Variants in SLC9A1 observed in about 807,000 individuals in gnomAD.
SLC9A1 encodes the protein sodium/hydrogen exchanger 1.
Under a neutral mutation model 67.9 loss-of-function variants are expected in SLC9A1, and 22 were observed. That is an observed-to-expected ratio of 0.32 (90% CI 0.23 to 0.46). The LOEUF (loss-of-function observed/expected upper bound fraction) is 0.46, where lower values mean the gene tolerates loss of function less well. Ranked by LOEUF, SLC9A1 falls within the 20% of genes least tolerant of loss-of-function variation. The probability of loss-of-function intolerance (pLI) is 1.00; values close to 1 mark genes in which losing one functional copy is unlikely to be tolerated. For missense variants in SLC9A1, 686 were observed against 1,094.8 expected (o/e 0.63, Z 5.27); for synonymous variants, 421 against 471.8 (o/e 0.89, Z 1.40).
intron 2 of SLC9A1, among the ~76,000 whole-genome samples, chr1:27,110,395 C>T (rs528589206): frequency 6.6e-6 from 1 of 152,274 alleles, no homozygotes; most frequent in South Asian, 2.1e-4. Context: ...TGGACTTGGA[C>T]TCTCTGGGAT....
chr1:27,111,326 T>C (rs1412818625), intron 2 of SLC9A1, among the ~76,000 whole-genome samples: 1 of 152,176 alleles, frequency 6.6e-6, no homozygotes, highest in Non-Finnish European at 1.5e-5. Flanking sequence ...CCTGGAACTA[T>C]AGAGAAACAG....
At chr1:27,142,624 C>A (rs1218786664) in intron 1 of SLC9A1, among the ~76,000 whole-genome samples, 1 of 152,146 alleles carries the variant, frequency 6.6e-6, no homozygotes, top group Non-Finnish European at 1.5e-5. Context: ...GCCCTAGCCG[C>A]TTTAGGGAAA....
rs1034545521 is a variant in SLC9A1, at chr1:27,101,821, C to T, written c.1941G>A (p.Arg647=). Residue 647 remains arginine, a synonymous_variant, in exon 10 of 12, where the codon CGG becomes CGA. Coordinates refer to ENST00000263980, the MANE Select transcript of SLC9A1 (RefSeq NM_003047.5). This position sits in a 1 kb window ranked among gnomAD's most constrained non-coding sequence, Gnocchi z 4.9. ...CCACCAGCGTGTGTCTGTTGTAGGA[C>T]CGCAGCTGTGGGAGGGACAGCGTCA... is the stretch of plus-strand genomic sequence containing the variant. ...NNLQKTRQRL[R]SYNRHTLVAD... is the part of the protein sequence containing the mutation. 1.9e-6 allele frequency: 3 copies of T among 1,611,226 alleles called. No homozygotes were observed. Among genetic ancestry groups the T allele is most frequent in the Middle Eastern group, 2.1e-4 (1 of 4,878 alleles).
intron 1 of SLC9A1, among the ~76,000 whole-genome samples, chr1:27,153,029 C>T (rs1267809507): frequency 6.6e-6 from 1 of 152,164 alleles, no homozygotes; most frequent in African/African-American, 2.4e-5. Context: ...CCAGTAAGCT[C>T]CCCCAATCAC....
At chr1:27,144,066 T>A (rs1297086348) in intron 1 of SLC9A1, among the ~76,000 whole-genome samples, 2 of 152,212 alleles carry the variant, frequency 1.3e-5, no homozygotes, top group African/African-American at 4.8e-5. Context: ...ATTATAAAAA[T>A]AAATCTGCCA....
At position 27,101,725 on chromosome 1, in the gene SLC9A1, C is replaced by T. The variant is rs1255958720; in HGVS notation, c.2037G>A (p.Lys679=). ...RRQKARQLEQ[K]INNYLTVPAH... ...ATTCCCAGAGGAAGGCAGAGGCTAC[C>T]TTCTGCTCCAGCTGCCGGGCCTTCT... The change falls in exon 10 of 12, where the codon AAG becomes AAA. Residue 679 remains lysine (K), a splice_region_variant and synonymous_variant. Transcript: ENST00000263980. The surrounding 1 kb of genome is among the most constrained non-coding windows in gnomAD (Gnocchi z 4.9). 3.7e-6 allele frequency: 6 copies of T among 1,607,964 alleles called. No individual in the cohort carries two copies. Among genetic ancestry groups the T allele is most frequent in the Non-Finnish European group, 5.1e-6 (6 of 1,176,006 alleles).
At chr1:27,135,725 G>A (rs1379501730) in intron 1 of SLC9A1, among the ~76,000 whole-genome samples, 2 of 152,176 alleles carry the variant, frequency 1.3e-5, no homozygotes, top group East Asian at 3.8e-4. Context: ...CCATCAACAG[G>A]AGAGTGAGCC....
At chr1:27,102,873 A>G in intron 6 of SLC9A1, 130 bp from the exon 7 acceptor site, 2 of 804,926 alleles carry the variant, frequency 2.5e-6, no homozygotes, top group South Asian at 3.1e-5. Flanking sequence ...ATGAGCAGCC[A>G]GGAGGTGGCG....
At chr1:27,105,655 T>C (rs1289180951) in intron 5 of SLC9A1, 1 of 700,372 alleles carries the variant, frequency 1.4e-6, no homozygotes, top group Non-Finnish European at 2.7e-6. Context: ...AGCATTCTGG[T>C]TCCTTTACAT....
In SLC9A1 at chr1:27,154,071, G is replaced by A. The variant is rs757856667; in HGVS notation, c.264C>T (p.Ala88=). ...VTDHGMKPRK[A]FPVLGIDYTH... ...TGTAGTCGATGCCCAGGACTGGAAAGGCCTTGCGCGGCTTCATGCCATGAT... is the reference window on the plus strand; with the variant it reads ...TGTAGTCGATGCCCAGGACTGGAAAAGCCTTGCGCGGCTTCATGCCATGAT... The change falls in exon 1 of 12, where the codon GCC becomes GCT. Residue 88 remains alanine, a synonymous_variant. Coordinates refer to ENST00000263980, the MANE Select transcript of SLC9A1 (RefSeq NM_003047.5). 1 of 1,613,528 alleles carries A rather than the reference G, an allele frequency of 6.2e-7. No homozygotes were observed.
At chr1:27,133,447 A>G (rs2083399239) in intron 1 of SLC9A1, among the ~76,000 whole-genome samples, 1 of 152,148 alleles carries the variant, frequency 6.6e-6, no homozygotes, top group Non-Finnish European at 1.5e-5. Flanking sequence ...CCTGAAGCTG[A>G]GGAGACCCAA....
chr1:27,152,111 G>A (rs2083532463), intron 1 of SLC9A1, among the ~76,000 whole-genome samples: 1 of 152,196 alleles, frequency 6.6e-6, no homozygotes, highest in Non-Finnish European at 1.5e-5. Flanking sequence ...CTTCTAGACT[G>A]ATATTGTTGC....
intron 1 of SLC9A1, among the ~76,000 whole-genome samples, chr1:27,128,397 C>T (rs552324656): frequency 6.6e-6 from 1 of 152,182 alleles, no homozygotes; most frequent in African/African-American, 2.4e-5. Flanking sequence ...TGGCTCACAC[C>T]TGAATCCCAG....
rs553359153 is a variant in SLC9A1, at chr1:27,112,478, A to G, written c.813+1348T>C. Among the ~76,000 whole-genome samples, 184 of 152,354 alleles carry G rather than the reference A, an allele frequency of 1.2e-3. 1 individual carries two copies. The highest frequency in any genetic ancestry group is 4.0e-3 in the African/African-American group (168 of 41,588). The stretch of plus-strand genomic sequence containing the variant: ...ACAACGTGAGCATGCACATGCACAC[A>G]TCTGTTTCCCAAGGAAACCAGCTGG... On this transcript the variant is annotated intron_variant, in intron 2 of 11. Coordinates refer to ENST00000263980, the MANE Select transcript of SLC9A1 (RefSeq NM_003047.5).
Position 27,101,981 on chromosome 1 carries a change from T to C in SLC9A1, c.1935+35A>G, listed in dbSNP as rs1164853799. ...GTAGAGAGGGGCTGAAGGGCTCCTG[T>C]ACCCTGGGGGTCGGGCTGGGGAGCA... On this transcript the variant is annotated intron_variant, in intron 9 of 11. Coordinates refer to ENST00000263980, the MANE Select transcript of SLC9A1 (RefSeq NM_003047.5). The surrounding 1 kb of genome is among the most constrained non-coding windows in gnomAD (Gnocchi z 4.9). 6 of 1,542,528 alleles carry C rather than the reference T, an allele frequency of 3.9e-6. No individual in the cohort carries two copies. In the Admixed American group the frequency reaches 5.0e-5, roughly 13 times the overall value.
At chr1:27,135,524 GGAAAAAA>G (rs2083414967) in intron 1 of SLC9A1, among the ~76,000 whole-genome samples, 1 of 70,364 alleles carries the variant, frequency 1.4e-5, no homozygotes, top group African/African-American at 7.3e-5. Flanking sequence ...CCTTTTTTCT[GGAAAAAA>G]AAAAAAAAAA....
At chr1:27,142,291 G>C (rs949318815) in intron 1 of SLC9A1, among the ~76,000 whole-genome samples, 2 of 152,208 alleles carry the variant, frequency 1.3e-5, no homozygotes, top group African/African-American at 4.8e-5. Context: ...CGAGTGGCCT[G>C]GGGCCAATCC....
chr1:27,155,116 G>A lies in SLC9A1; in HGVS notation c.-782C>T, dbSNP rs893941489. 6.6e-6 allele frequency among the ~76,000 whole-genome samples: 1 copy of A among 152,102 alleles called. No individual in the cohort carries two copies. Among genetic ancestry groups the A allele is most frequent in the Admixed American group, 6.5e-5 (1 of 15,272 alleles). ...ACTAACCCTAGCCCCGGCCCCGGCG[G>A]CAGCAGACTGAAGCCTAGCTGAGCC... On this transcript the variant is annotated 5_prime_UTR_variant, in exon 1 of 12. Transcript: ENST00000263980. The surrounding 1 kb of genome is among the most constrained non-coding windows in gnomAD (Gnocchi z 4.5).
chr1:27,132,871 C>T (rs1403509518), intron 1 of SLC9A1, among the ~76,000 whole-genome samples: 3 of 152,172 alleles, frequency 2.0e-5, no homozygotes, highest in Non-Finnish European at 2.9e-5. Context: ...CAGGGAAGGG[C>T]GGACGCTGGA....
Sources: allele counts gnomAD v4.1 joint callset (sites outside exome capture counted in the v4.1 genomes callset), GRCh38; gene constraint gnomAD v4.1.1; non-coding constraint Gnocchi (gnomAD v3.1); transcripts MANE v1.5; gene names NCBI Gene and HGNC (gene_info 2026-07-23, HGNC 2026-07-21).